Variants in CCDC60 observed in about 807,000 individuals in gnomAD.
CCDC60 encodes coiled-coil domain-containing protein 60.
In CCDC60, 54 loss-of-function variants were observed where a neutral mutation model predicts 63.5. That is an observed-to-expected ratio of 0.85 (90% CI 0.68 to 1.07). CCDC60 has a LOEUF of 1.07. Ranked by LOEUF, CCDC60 falls within the 50% of genes least tolerant of loss-of-function variation. CCDC60 has a pLI of 0.00. For synonymous variants in CCDC60, 206 were observed against 238.8 expected (o/e 0.86, Z 1.27); for missense variants, 651 against 684.3 (o/e 0.95, Z 0.54).
intron 13 of CCDC60, among the ~76,000 whole-genome samples, chr12:119,538,879 G>A (rs1048799503): frequency 1.3e-5 from 2 of 152,124 alleles, no homozygotes; most frequent in Non-Finnish European, 2.9e-5. Context: ...GTTTTTGTGT[G>A]GATGTGCTTT....
In CCDC60 at chr12:119,519,348, G is replaced by A. The variant is rs965506228; in HGVS notation, c.969-773G>A. On this transcript the variant is annotated intron_variant, in intron 8 of 13. Coordinates refer to ENST00000327554, the MANE Select transcript of CCDC60 (RefSeq NM_178499.5). ...ACTTGTGAAAAATACAAATTTCTAC[G>A]CCTCCTCATCCCAGAATCCACTGAA... 4.6e-5 allele frequency among the ~76,000 whole-genome samples: 7 copies of A among 150,932 alleles called. No homozygotes were observed. The South Asian group carries it at 8.4e-4, about 18-fold the overall frequency.
intron 11 of CCDC60, among the ~76,000 whole-genome samples, chr12:119,528,056 G>A (rs1314395473): frequency 6.6e-6 from 1 of 151,988 alleles, no homozygotes; most frequent in African/African-American, 2.4e-5. Context: ...GGAAAATGTG[G>A]GGGCTGAATA....
intron 1 of CCDC60, among the ~76,000 whole-genome samples, chr12:119,360,391 T>C: frequency 1.2e-5 from 1 of 86,388 alleles, no homozygotes; most frequent in East Asian, 3.5e-3. Context: ...GGCGGGGGGC[T>C]GACCCCCCCA....
intron 3 of CCDC60, among the ~76,000 whole-genome samples, chr12:119,477,963 A>G (rs1443497757): frequency 6.6e-6 from 1 of 152,118 alleles, no homozygotes; most frequent in Non-Finnish European, 1.5e-5. Flanking sequence ...AGAGAGAAAA[A>G]GAGAGTGGAT....
At chr12:119,416,686 G>C (rs545963712) in intron 1 of CCDC60, among the ~76,000 whole-genome samples, 2 of 152,298 alleles carry the variant, frequency 1.3e-5, no homozygotes, top group African/African-American at 2.4e-5. Flanking sequence ...CCTGAAGCAG[G>C]ACTGAAGAAC....
At chr12:119,484,130 G>T (rs923815140) in intron 4 of CCDC60, among the ~76,000 whole-genome samples, 2 of 152,124 alleles carry the variant, frequency 1.3e-5, no homozygotes, top group Admixed American at 6.5e-5. Context: ...AAGCCAGACT[G>T]CCTGGGCTCA....
At chr12:119,484,065 C>T (rs1241457397) in intron 4 of CCDC60, among the ~76,000 whole-genome samples, 1 of 152,012 alleles carries the variant, frequency 6.6e-6, no homozygotes, top group Admixed American at 6.6e-5. Flanking sequence ...AAAAGGGAGT[C>T]TCTACCCTGT....
intron 1 of CCDC60, among the ~76,000 whole-genome samples, chr12:119,345,582 T>A (rs1279613614): frequency 1.3e-5 from 2 of 151,620 alleles, no homozygotes; most frequent in Admixed American, 6.6e-5. Context: ...GAAAGGGAGG[T>A]ACCTCTCAAG....
intron 5 of CCDC60, among the ~76,000 whole-genome samples, chr12:119,494,555 C>G (rs972119482): frequency 1.3e-5 from 2 of 152,180 alleles, no homozygotes; most frequent in African/African-American, 4.8e-5. Context: ...AATCCTGACT[C>G]TTGTAATCCT....
intron 1 of CCDC60, among the ~76,000 whole-genome samples, chr12:119,343,694 A>ATATATATATAT (rs1174512565): frequency 6.6e-6 from 1 of 150,546 alleles, no homozygotes; most frequent in African/African-American, 2.4e-5. Context: ...ATGTATATAT[A>ATATATATATAT]AGCTTGAGGT....
At chr12:119,345,407 C>T (rs1411476341) in intron 1 of CCDC60, among the ~76,000 whole-genome samples, 1 of 152,138 alleles carries the variant, frequency 6.6e-6, no homozygotes, top group Non-Finnish European at 1.5e-5. Flanking sequence ...GAGGCTGAGG[C>T]AGGAGAATCA....
intron 3 of CCDC60, among the ~76,000 whole-genome samples, chr12:119,472,743 G>T (rs868033005): frequency 6.6e-6 from 1 of 151,928 alleles, no homozygotes; most frequent in Non-Finnish European, 1.5e-5. Context: ...ACCACGCCTG[G>T]CTAATTTTTT....
At chr12:119,502,206 C>G (rs551630740) in intron 6 of CCDC60, among the ~76,000 whole-genome samples, 40 of 152,254 alleles carry the variant, frequency 2.6e-4, no homozygotes, top group African/African-American at 9.4e-4. Flanking sequence ...GCTCATTTTG[C>G]CTTGTGAGAA....
At chr12:119,366,770 G>A (rs551452953) in intron 1 of CCDC60, among the ~76,000 whole-genome samples, 19 of 152,266 alleles carry the variant, frequency 1.2e-4, no homozygotes, top group Non-Finnish European at 1.3e-4. Context: ...CCATGTACCC[G>A]TGGGATCAAG....
intron 13 of CCDC60, among the ~76,000 whole-genome samples, chr12:119,531,493 T>C (rs1237107640): frequency 6.6e-6 from 1 of 152,168 alleles, no homozygotes; most frequent in Non-Finnish European, 1.5e-5. Flanking sequence ...AAGCCCCGTA[T>C]GTAAGTTAGA....
chr12:119,347,646 T>C (rs1337388958), intron 1 of CCDC60, among the ~76,000 whole-genome samples: 3 of 152,158 alleles, frequency 2.0e-5, no homozygotes, highest in African/African-American at 4.8e-5. Context: ...GAAATTCCAT[T>C]TGGACAAGGC....
At chr12:119,442,821 C>T (rs1248121759) in intron 2 of CCDC60, among the ~76,000 whole-genome samples, 5 of 152,178 alleles carry the variant, frequency 3.3e-5, no homozygotes, top group Admixed American at 2.0e-4. Context: ...TAAATTTACA[C>T]GGTGCTTCCA....
In CCDC60 at chr12:119,357,541, G is replaced by A. The variant is rs561404934; in HGVS notation, c.90+22275G>A. Among the ~76,000 whole-genome samples the A allele has an allele frequency of 9.2e-5, 14 of 151,360 alleles. No individual in the cohort carries two copies. In the East Asian group the frequency reaches 9.7e-4, roughly 11 times the overall value. ...ATGATATTGGCTCACCGCAACCTCC[G>A]CCTCTCAAGTTTAAGCGATTCTCCT... is the stretch of plus-strand genomic sequence containing the variant. On this transcript the variant is annotated intron_variant, in intron 1 of 13. Coordinates refer to ENST00000327554, the MANE Select transcript of CCDC60 (RefSeq NM_178499.5).
chr12:119,444,300 T>C (rs1232066325), intron 2 of CCDC60, among the ~76,000 whole-genome samples: 1 of 152,232 alleles, frequency 6.6e-6, no homozygotes, highest in African/African-American at 2.4e-5. Context: ...GTTCTTCTTA[T>C]TACTATTTAT....
Sources: allele counts gnomAD v4.1 joint callset (sites outside exome capture counted in the v4.1 genomes callset), GRCh38; gene constraint gnomAD v4.1.1; transcripts MANE v1.5; gene names NCBI Gene and HGNC (gene_info 2026-07-23, HGNC 2026-07-21).